PEX13: variants seen among roughly 807,000 people sequenced by gnomAD.
The protein encoded by PEX13 is peroxisomal biogenesis factor 13, also known as peroxisome biogenesis factor 13.
PEX13 carries 28 observed loss-of-function variants against 34.5 expected under a neutral mutation model. That is an observed-to-expected ratio of 0.81 (90% confidence interval 0.60 to 1.11). The LOEUF is 1.11. Ranked by LOEUF, PEX13 falls within the 50% of genes most tolerant of loss-of-function variation. The pLI is 0.00. For missense variants in PEX13, 550 were observed against 491.0 expected, an observed-to-expected ratio of 1.12 and a Z score of -1.13; for synonymous variants, 177 against 175.1, an observed-to-expected ratio of 1.01 and a Z score of -0.09.
At chr2:61,021,550 G>C (rs969248784) in intron 1 of PEX13, among the ~76,000 whole-genome samples, 4 of 152,234 alleles carry the variant, frequency 2.6e-5, no homozygotes, top group African/African-American at 9.6e-5. Flanking sequence ...CTGCAGCTCA[G>C]CAAGGCCTAC....
intron 1 of PEX13, among the ~76,000 whole-genome samples, chr2:61,024,808 A>G (rs1258893551): frequency 2.0e-5 from 3 of 152,088 alleles, no homozygotes; most frequent in African/African-American, 7.2e-5. Context: ...GACTCCATCT[A>G]AGAACAAAAA....
chr2:61,047,190 C>G (rs1283472798), intron 3 of PEX13, among the ~76,000 whole-genome samples: 2 of 151,730 alleles, frequency 1.3e-5, no homozygotes, highest in Non-Finnish European at 2.9e-5. Context: ...GAGTCTAGCT[C>G]TGTTGCTCAG....
intron 1 of PEX13, among the ~76,000 whole-genome samples, chr2:61,029,785 C>T (rs1160181613): frequency 2.0e-5 from 3 of 150,980 alleles, no homozygotes; most frequent in African/African-American, 7.3e-5. Context: ...ACACTCTAGC[C>T]TGGACAATAG....
chr2:61,018,402 G>T, intron 1 of PEX13: 1 of 1,349,828 alleles, frequency 7.4e-7, no homozygotes. Flanking sequence ...CTTTAAAGCA[G>T]GAGTTCTAGA....
intron 1 of PEX13, among the ~76,000 whole-genome samples, chr2:61,023,529 ATTATT>A (rs1020348124): frequency 1.1e-4 from 16 of 151,884 alleles, no homozygotes; most frequent in African/African-American, 3.9e-4. Flanking sequence ...ACCTTTAAAT[ATTATT>A]TTAAGTTTTG....
intron 3 of PEX13, among the ~76,000 whole-genome samples, chr2:61,047,270 C>T (rs887922166): frequency 6.6e-6 from 1 of 152,110 alleles, no homozygotes; most frequent in Non-Finnish European, 1.5e-5. Context: ...ATTCTCCTGC[C>T]TCAGCCTCCT....
intron 3 of PEX13, among the ~76,000 whole-genome samples, chr2:61,046,160 A>G (rs1680702148): frequency 1.3e-5 from 2 of 152,250 alleles, no homozygotes; most frequent in South Asian, 4.1e-4. Flanking sequence ...GTAACTAAAC[A>G]TAACAAATCT....
At chr2:61,020,348 C>T (rs2104795040) in intron 1 of PEX13, among the ~76,000 whole-genome samples, 1 of 152,038 alleles carries the variant, frequency 6.6e-6, no homozygotes, top group Non-Finnish European at 1.5e-5. Context: ...TTTCCTTTTA[C>T]ATTTTCCAGT....
intron 1 of PEX13, among the ~76,000 whole-genome samples, chr2:61,019,371 C>A (rs1207144682): frequency 1.3e-5 from 2 of 151,972 alleles, no homozygotes; most frequent in Non-Finnish European, 2.9e-5. Context: ...ATATTTTTCA[C>A]TGTGTGGCTT....
intron 1 of PEX13, among the ~76,000 whole-genome samples, chr2:61,020,391 A>AT (rs150296785): frequency 0.091 from 13,801 of 151,744 alleles, 2,084 homozygotes; most frequent in African/African-American, 0.32. Context: ...AATGCTATTG[A>AT]TTTTTTTTAA....
rs753607470 is a variant in PEX13 at position 61,031,833 on chromosome 2, C to A, written c.507C>A (p.Ser169=). The A allele has an allele frequency of 6.2e-7, 1 of 1,613,480 alleles. No homozygotes were observed. Among genetic ancestry groups the A allele is most frequent in the Non-Finnish European group, 8.5e-7 (1 of 1,179,424 alleles). Residue 169 remains serine, a synonymous_variant, in exon 2 of 4, where the codon TCC becomes TCA. Coordinates refer to ENST00000295030, the MANE Select transcript of PEX13 (RefSeq NM_002618.4). ...RAVLDVANHF[S]RLKIHFTKVF... ...TATTGGATGTAGCAAATCACTTTTC[C>A]CGATTGAAAATACACTTTACAAAAG...
intron 2 of PEX13, 137 bp downstream of exon 2, chr2:61,032,250 G>A (rs1002630829): frequency 1.7e-5 from 12 of 698,360 alleles, no homozygotes; most frequent in Middle Eastern, 3.9e-4. Flanking sequence ...TTCAAAACTG[G>A]CAGAGGAATA....
chr2:61,043,346 A>C lies in PEX13; in HGVS notation c.788-2380A>C, dbSNP rs574673429. ...CCTGTCTCTACTAAAAAAAAAAAAA[A>C]AAAAAACAAATTTTCAAAAAAAAGA... On this transcript the variant is annotated intron_variant, in intron 2 of 3. Coordinates refer to ENST00000295030, the MANE Select transcript of PEX13 (RefSeq NM_002618.4). 3.3e-5 allele frequency among the ~76,000 whole-genome samples: 5 copies of C among 152,066 alleles called. No homozygotes were observed. In the South Asian group the frequency reaches 6.2e-4, roughly 19 times the overall value.
chr2:61,041,647 A>C (rs1468426660), intron 2 of PEX13, among the ~76,000 whole-genome samples: 2 of 152,162 alleles, frequency 1.3e-5, no homozygotes, highest in Non-Finnish European at 2.9e-5. Context: ...AAAAGAAAAG[A>C]TTAGCAGTGA....
rs543726155 is a variant in PEX13 at position 61,026,573 on chromosome 2, C to A, written c.93-4846C>A. ...ATCTTGGCCAGGCTGGTCTTGAACT[C>A]CTGACATTGTGATCCACCCACCTCA... On this transcript the variant is annotated intron_variant, in intron 1 of 3. Transcript: ENST00000295030. 5.7e-4 allele frequency among the ~76,000 whole-genome samples: 86 copies of A among 151,590 alleles called. 2 individuals carry two copies. The South Asian group carries it at 0.017, about 30-fold the overall frequency.
At position 61,027,288 on chromosome 2, in the gene PEX13, G is replaced by A. The variant is rs530545321; in HGVS notation, c.93-4131G>A. ...TAGGAGTTTGAGGTTGCAGTGAGCCGTGATTGCACCACTGAACTCCAGCTT... is the reference window on the plus strand; with the variant it reads ...TAGGAGTTTGAGGTTGCAGTGAGCCATGATTGCACCACTGAACTCCAGCTT... On this transcript the variant is annotated intron_variant, in intron 1 of 3. Transcript: ENST00000295030. Among the ~76,000 whole-genome samples the A allele has an allele frequency of 4.0e-5, 6 of 150,152 alleles. No individual in the cohort carries two copies. In the East Asian group the frequency reaches 7.8e-4, roughly 20 times the overall value.
chr2:61,029,418 C>G (rs951164377), intron 1 of PEX13, among the ~76,000 whole-genome samples: 4 of 152,086 alleles, frequency 2.6e-5, no homozygotes, highest in South Asian at 2.1e-4. Flanking sequence ...TGCTTTGGAA[C>G]ACAATCTGGC....
chr2:61,038,699 A>G (rs1680573846), intron 2 of PEX13, among the ~76,000 whole-genome samples: 1 of 152,214 alleles, frequency 6.6e-6, no homozygotes, highest in South Asian at 2.1e-4. Flanking sequence ...CCAGCACAAG[A>G]CAAGGATGCC....
chr2:61,030,009 TTTATA>T (rs1481285141), intron 1 of PEX13, among the ~76,000 whole-genome samples: 1 of 152,152 alleles, frequency 6.6e-6, no homozygotes, highest in African/African-American at 2.4e-5. Flanking sequence ...GCTATACTAT[TTTATA>T]TTAAGGACTT....
Sources: gnomAD v4.1 joint callset for allele counts (sites outside exome capture counted in the v4.1 genomes callset) on GRCh38, gnomAD v4.1.1 for gene constraint, MANE v1.5 for transcripts, NCBI Gene and HGNC (gene_info 2026-07-23, HGNC 2026-07-21) for gene names.